Variants in MTCL3 observed in about 807,000 individuals in gnomAD.
The protein encoded by MTCL3 is microtubule cross-linking factor 3.
the MTCL3 span, among the ~76,000 whole-genome samples, chr6:127,514,541 A>C: frequency 6.6e-6 from 1 of 152,240 alleles, no homozygotes; most frequent in Non-Finnish European, 1.5e-5. Flanking sequence ...TCTGCCCAGA[A>C]GGGAGCCTTC....
the MTCL3 span, chr6:127,475,664 T>C: frequency 6.3e-7 from 1 of 1,591,422 alleles, no homozygotes; most frequent in Non-Finnish European, 8.5e-7. The surrounding 1 kb of genome is among the most constrained non-coding windows in gnomAD (Gnocchi z 7.3). Flanking sequence ...CAGCGGATGT[T>C]GCGCACCTCC....
chr6:127,504,367 C>T, the MTCL3 span, among the ~76,000 whole-genome samples: 3 of 152,168 alleles, frequency 2.0e-5, no homozygotes, highest in Non-Finnish European at 2.9e-5. Flanking sequence ...GACTATCCAC[C>T]TGGTGACATT....
the MTCL3 span, chr6:127,475,541 T>C: frequency 6.2e-7 from 1 of 1,612,348 alleles, no homozygotes; most frequent in Non-Finnish European, 8.5e-7. This position sits in a 1 kb window ranked among gnomAD's most constrained non-coding sequence, Gnocchi z 7.3. Flanking sequence ...AGCCGGTCGA[T>C]GGTCTTGCCC....
At chr6:127,502,924 A>G in the MTCL3 span, among the ~76,000 whole-genome samples, 1 of 152,306 alleles carries the variant, frequency 6.6e-6, no homozygotes, top group East Asian at 1.9e-4. Flanking sequence ...AGACCTGAAA[A>G]CACTTTTCTA....
At chr6:127,501,849 C>T in the MTCL3 span, among the ~76,000 whole-genome samples, 7 of 152,240 alleles carry the variant, frequency 4.6e-5, no homozygotes, top group Non-Finnish European at 7.4e-5. Context: ...GGAATTAGGA[C>T]AGAAGCATCA....
chr6:127,488,409 A>T, the MTCL3 span, among the ~76,000 whole-genome samples: 3 of 152,176 alleles, frequency 2.0e-5, no homozygotes, highest in African/African-American at 4.8e-5. Flanking sequence ...CTGTTTTCTC[A>T]TTCTGCAATG....
chr6:127,507,858 A>AAAAAAAAAAAAAAAAAAAAAAAAAAAAG, the MTCL3 span, among the ~76,000 whole-genome samples: 1 of 127,702 alleles, frequency 7.8e-6, no homozygotes, highest in Non-Finnish European at 1.7e-5. Context: ...AAAAAAAAAA[A>AAAAAAAAAAAAAAAAAAAAAAAAAAAAG]AAAAAAAAAA....
the MTCL3 span, chr6:127,514,816 C>A: frequency 1.2e-6 from 2 of 1,606,784 alleles, no homozygotes; most frequent in South Asian, 1.1e-5. Flanking sequence ...GCCCCCGCGC[C>A]GCAGACCTTG....
the MTCL3 span, among the ~76,000 whole-genome samples, chr6:127,510,368 G>A: frequency 1.3e-5 from 2 of 152,124 alleles, no homozygotes; most frequent in Non-Finnish European, 2.9e-5. Flanking sequence ...AAGAGTGTGA[G>A]CAAAAGAATC....
At chr6:127,479,044 A>G in the MTCL3 span, among the ~76,000 whole-genome samples, 1 of 151,458 alleles carries the variant, frequency 6.6e-6, no homozygotes, top group East Asian at 1.9e-4. Context: ...AAAAAAGAGA[A>G]AGGGGGAGAC....
the MTCL3 span, chr6:127,516,071 C>T: frequency 8.6e-6 from 13 of 1,511,374 alleles, no homozygotes; most frequent in South Asian, 1.4e-4. Context: ...CCCTCCCTTT[C>T]CCCGGAGCCG....
the MTCL3 span, chr6:127,515,782 A>G: frequency 1.2e-6 from 2 of 1,607,130 alleles, no homozygotes; most frequent in Non-Finnish European, 1.7e-6. The surrounding 1 kb of genome is among the most constrained non-coding windows in gnomAD (Gnocchi z 4.3). Flanking sequence ...CTTAGCGTGC[A>G]TCTGAGCCGC....
At chr6:127,490,067 T>A in the MTCL3 span, among the ~76,000 whole-genome samples, 1 of 152,238 alleles carries the variant, frequency 6.6e-6, no homozygotes, top group African/African-American at 2.4e-5. Flanking sequence ...TAATTTTAAG[T>A]TGAAACCAAT....
At chr6:127,516,581 CA>C in the MTCL3 span, 1 of 1,597,464 alleles carries the variant, frequency 6.3e-7, no homozygotes, top group Non-Finnish European at 8.5e-7. Flanking sequence ...GCTGCTGTGG[CA>C]GGGGCAGCGC....
the MTCL3 span, among the ~76,000 whole-genome samples, chr6:127,496,444 TCGA>T: frequency 1.3e-5 from 2 of 152,192 alleles, no homozygotes; most frequent in South Asian, 4.1e-4. Flanking sequence ...ATATAAGCTA[TCGA>T]ATGTATGGCC....
chr6:127,491,740 G>T, the MTCL3 span, among the ~76,000 whole-genome samples: 2 of 152,080 alleles, frequency 1.3e-5, no homozygotes, highest in Non-Finnish European at 2.9e-5. Flanking sequence ...AGGCATGGTG[G>T]CATGCAGCTA....
chr6:127,474,498 G>A, the MTCL3 span, among the ~76,000 whole-genome samples: 1 of 152,150 alleles, frequency 6.6e-6, no homozygotes, highest in Non-Finnish European at 1.5e-5. Flanking sequence ...GGCTGATCTC[G>A]AACTCCTGAC....
At chr6:127,514,021 C>G in the MTCL3 span, among the ~76,000 whole-genome samples, 1 of 152,192 alleles carries the variant, frequency 6.6e-6, no homozygotes, top group Non-Finnish European at 1.5e-5. Flanking sequence ...ATCTTTAAAT[C>G]CCAATGAAGT....
the MTCL3 span, chr6:127,515,100 G>T: frequency 6.7e-7 from 1 of 1,484,570 alleles, no homozygotes; most frequent in Non-Finnish European, 9.4e-7. The surrounding 1 kb of genome is among the most constrained non-coding windows in gnomAD (Gnocchi z 4.3). Flanking sequence ...CAGCCCTTCC[G>T]ACACACACCG....
Sources: allele counts gnomAD v4.1 joint callset (sites outside exome capture counted in the v4.1 genomes callset), GRCh38; gene constraint gnomAD v4.1.1; non-coding constraint Gnocchi (gnomAD v3.1); transcripts MANE v1.5; gene names NCBI Gene and HGNC (gene_info 2026-07-23, HGNC 2026-07-21).